MARCHF8: variants seen among roughly 807,000 people sequenced by gnomAD.
MARCHF8 encodes the protein E3 ubiquitin-protein ligase MARCHF8.
A neutral mutation model predicts 51.6 loss-of-function variants in MARCHF8; 40 were observed. The observed-to-expected ratio is 0.77, with a 90% CI of 0.60 to 1.01. The LOEUF (loss-of-function observed/expected upper bound fraction) is 1.01, where lower values mean the gene tolerates loss of function less well. Ranked by LOEUF, MARCHF8 falls within the 50% of genes least tolerant of loss-of-function variation. MARCHF8 has a pLI of 0.00. For synonymous variants in MARCHF8, 263 were observed against 280.3 expected (o/e 0.94, Z 0.62); for missense variants, 685 against 708.6 (o/e 0.97, Z 0.38).
intron 3 of MARCHF8, among the ~76,000 whole-genome samples, chr10:45,475,104 T>C (rs948501548): frequency 1.1e-4 from 16 of 152,188 alleles, no homozygotes; most frequent in Non-Finnish European, 8.8e-5. Flanking sequence ...CCCACTGATA[T>C]TCCTCACCAC....
rs1210251584 is a variant in MARCHF8, at chr10:45,458,132, C to T, written c.*107G>A. On this transcript the variant is annotated 3_prime_UTR_variant, in exon 8 of 8. Coordinates refer to ENST00000453424, the MANE Select transcript of MARCHF8 (RefSeq NM_001282866.2). ...AAGAGAAGCCACTATAAATAGTCACCTGTCCAGTCTATGCTATTAAAGGAC... is the reference window on the plus strand; with the variant it reads ...AAGAGAAGCCACTATAAATAGTCACTTGTCCAGTCTATGCTATTAAAGGAC... 4 of 1,152,406 alleles carry T rather than the reference C, an allele frequency of 3.5e-6. No individual in the cohort carries two copies. Among genetic ancestry groups the T allele is most frequent in the Non-Finnish European group, 4.8e-6 (4 of 829,878 alleles). The allele number at this position is 1,152,406 out of a possible 1,614,324, so 71.4% of individuals were successfully genotyped here.
Position 45,475,927 on chromosome 10 carries a change from C to T in MARCHF8, c.154-11600G>A, listed in dbSNP as rs538321922. 5.9e-5 allele frequency among the ~76,000 whole-genome samples: 9 copies of T among 152,306 alleles called. No homozygotes were observed. The East Asian group carries it at 1.7e-3, about 29-fold the overall frequency. On this transcript the variant is annotated intron_variant, in intron 3 of 7. Transcript: ENST00000453424. Reference sequence around the variant, plus strand: ...ACCTCACTACAGCCTCCACCATACCCTAAGATACTGAGGAAATCACAGACA... The same window carrying T: ...ACCTCACTACAGCCTCCACCATACCTTAAGATACTGAGGAAATCACAGACA...
At chr10:45,586,104 T>C (rs2044615606) in intron 1 of MARCHF8, among the ~76,000 whole-genome samples, 1 of 152,192 alleles carries the variant, frequency 6.6e-6, no homozygotes, top group Non-Finnish European at 1.5e-5. Context: ...TTAAGCATAA[T>C]GTGAAGTTCT....
rs570436828 is a variant in MARCHF8 at position 45,512,057 on chromosome 10, G to A, written c.102+21053C>T. ...TAGGAAGTAAGGAGCGTCTCTGCCCGGCCGCCCATCGCCTGAGATGTGGGG... is the reference window on the plus strand; with the variant it reads ...TAGGAAGTAAGGAGCGTCTCTGCCCAGCCGCCCATCGCCTGAGATGTGGGG... On this transcript the variant is annotated intron_variant, in intron 2 of 7. Coordinates refer to ENST00000453424, the MANE Select transcript of MARCHF8 (RefSeq NM_001282866.2). 9.9e-3 allele frequency among the ~76,000 whole-genome samples: 1,488 copies of A among 150,234 alleles called. 29 individuals are homozygous for A. The highest frequency in any genetic ancestry group is 0.034 in the African/African-American group (1,386 of 40,680).
intron 1 of MARCHF8, among the ~76,000 whole-genome samples, chr10:45,584,309 C>A (rs1023178709): frequency 6.6e-6 from 1 of 151,420 alleles, no homozygotes; most frequent in African/African-American, 2.4e-5. Flanking sequence ...AAGCACAAAT[C>A]TGAGGGAAAA....
chr10:45,487,917 C>T (rs999072039), intron 3 of MARCHF8, among the ~76,000 whole-genome samples: 5 of 152,004 alleles, frequency 3.3e-5, no homozygotes, highest in Non-Finnish European at 7.4e-5. Context: ...CCAGCTGAAT[C>T]TGTGGTGTGT....
At chr10:45,486,558 T>C (rs1390230888) in intron 3 of MARCHF8, among the ~76,000 whole-genome samples, 1 of 152,066 alleles carries the variant, frequency 6.6e-6, no homozygotes, top group Non-Finnish European at 1.5e-5. Context: ...AGCGAGACTC[T>C]GTCTAAAAAA....
intron 2 of MARCHF8, among the ~76,000 whole-genome samples, chr10:45,517,078 C>G (rs970848260): frequency 6.6e-6 from 1 of 152,214 alleles, no homozygotes; most frequent in African/African-American, 2.4e-5. Context: ...ATGGTGGCAA[C>G]AGTGGTGAGT....
At chr10:45,504,474 A>G (rs1019097996) in intron 2 of MARCHF8, among the ~76,000 whole-genome samples, 3 of 152,182 alleles carry the variant, frequency 2.0e-5, no homozygotes, top group Non-Finnish European at 4.4e-5. Flanking sequence ...AAAATAACCT[A>G]TGATGTATAA....
intron 2 of MARCHF8, among the ~76,000 whole-genome samples, chr10:45,524,669 A>C (rs2043761957): frequency 6.6e-6 from 1 of 152,246 alleles, no homozygotes; most frequent in Admixed American, 6.5e-5. Context: ...TGAGAGACCC[A>C]ACTAATAATA....
chr10:45,540,965 T>C (rs1404048523), intron 1 of MARCHF8, among the ~76,000 whole-genome samples: 6 of 152,222 alleles, frequency 3.9e-5, no homozygotes, highest in East Asian at 1.9e-4. Flanking sequence ...TTTTACACTG[T>C]TGGTGGGACA....
Position 45,459,162 on chromosome 10 carries a change from T to G in MARCHF8, c.1375A>C (p.Ile459Leu), listed in dbSNP as rs1842705473. 1.2e-6 allele frequency: 2 copies of G among 1,613,932 alleles called. No individual in the cohort carries two copies. The highest frequency in any genetic ancestry group is 1.3e-5 in the African/African-American group (1 of 74,890). Reference protein sequence around the residue: ...TCVVWSLYVLIDRTAEEIKQG... With the variant: ...TCVVWSLYVLLDRTAEEIKQG... ...TTGATCTCCTCAGCAGTACGGTCAA[T>G]GAGCACATACAAGGACCAGACCACA... The change falls in exon 7 of 8, where the codon ATT becomes CTT. Residue 459 changes from isoleucine to leucine, a missense_variant. Ile to Leu is a conservative substitution (Grantham distance 5). Coordinates refer to ENST00000453424, the MANE Select transcript of MARCHF8 (RefSeq NM_001282866.2).
chr10:45,575,459 T>G (rs1589190411), intron 1 of MARCHF8, among the ~76,000 whole-genome samples: 1 of 152,198 alleles, frequency 6.6e-6, no homozygotes, highest in Admixed American at 6.5e-5. Context: ...CAAAACCATA[T>G]CCAGGCCATC....
chr10:45,458,090 T>G lies in MARCHF8; in HGVS notation c.*149A>C, dbSNP rs946294054. 4 of 850,080 alleles carry G rather than the reference T, an allele frequency of 4.7e-6. No individual in the cohort carries two copies. The highest frequency in any genetic ancestry group is 7.0e-6 in the Non-Finnish European group (4 of 573,212). The allele number at this position is 850,080 out of a possible 1,614,324, so 52.7% of individuals were successfully genotyped here. A position where few individuals can be genotyped will look rare whatever the true frequency, so the allele number is the denominator to read the frequency against. ...CCCACAGGAAGGTTTTCTAGGAGAC[T>G]AAGGAGGGTTTAGAAAAAGAGAAGC... On this transcript the variant is annotated 3_prime_UTR_variant, in exon 8 of 8. Transcript: ENST00000453424.
intron 2 of MARCHF8, among the ~76,000 whole-genome samples, chr10:45,528,088 A>G (rs973657613): frequency 2.6e-5 from 4 of 152,214 alleles, no homozygotes; most frequent in Non-Finnish European, 4.4e-5. Flanking sequence ...TTGGTGTAGT[A>G]GGAACATACC....
intron 2 of MARCHF8, among the ~76,000 whole-genome samples, chr10:45,500,652 G>A (rs77364880): frequency 0.035 from 5,357 of 151,972 alleles, 144 homozygotes; most frequent in East Asian, 0.052. Context: ...GCATCATAGT[G>A]CCAAAAGTTC....
intron 1 of MARCHF8, among the ~76,000 whole-genome samples, chr10:45,566,014 C>T (rs2133377701): frequency 6.6e-6 from 1 of 152,254 alleles, no homozygotes; most frequent in Non-Finnish European, 1.5e-5. Flanking sequence ...GCCTCTTGCA[C>T]TTGGGATCAC....
Position 45,490,368 on chromosome 10 carries a change from A to G in MARCHF8, c.103-951T>C, listed in dbSNP as rs72796499. 7.0e-3 allele frequency among the ~76,000 whole-genome samples: 1,072 copies of G among 152,324 alleles called. 6 individuals are homozygous for G. The highest frequency in any genetic ancestry group is 0.013 in the Non-Finnish European group (889 of 68,028). ...TCTAATCCTAGTGGACTCTAATCCA[A>G]TAGGATTGGTGTCCTTGTAATAAGA... On this transcript the variant is annotated intron_variant, in intron 2 of 7. Coordinates refer to ENST00000453424, the MANE Select transcript of MARCHF8 (RefSeq NM_001282866.2).
At chr10:45,481,076 T>G (rs180693293) in intron 3 of MARCHF8, among the ~76,000 whole-genome samples, 71 of 152,306 alleles carry the variant, frequency 4.7e-4, no homozygotes, top group African/African-American at 1.7e-3. Flanking sequence ...AGACATGGAG[T>G]CAAAGGAGAT....
Sources: allele counts gnomAD v4.1 joint callset (sites outside exome capture counted in the v4.1 genomes callset), GRCh38; gene constraint gnomAD v4.1.1; transcripts MANE v1.5; gene names NCBI Gene and HGNC (gene_info 2026-07-23, HGNC 2026-07-21).